Variants in SH3RF2 observed in about 807,000 individuals in gnomAD.
SH3RF2 encodes the protein SH3 domain containing ring finger 2.
A neutral mutation model predicts 59.0 loss-of-function variants in SH3RF2; 43 were observed. The ratio of observed to expected loss-of-function variants is 0.73; its 90% CI spans 0.57 to 0.94. SH3RF2 has a LOEUF of 0.94. Ranked by LOEUF, SH3RF2 falls within the 40% of genes least tolerant of loss-of-function variation. The pLI is 0.00. For missense variants in SH3RF2, 930 were observed against 940.1 expected (o/e 0.99, Z 0.14); for synonymous variants, 391 against 391.5 (o/e 1.00, Z 0.01).
intron 2 of SH3RF2, among the ~76,000 whole-genome samples, chr5:145,987,259 T>A (rs185876106): frequency 8.5e-5 from 13 of 152,294 alleles, no homozygotes; most frequent in Non-Finnish European, 1.8e-4. Flanking sequence ...GTAAGTTCTT[T>A]AGGGGTGATT....
intron 2 of SH3RF2, among the ~76,000 whole-genome samples, chr5:145,975,658 A>G (rs1271352377): frequency 6.6e-6 from 1 of 152,208 alleles, no homozygotes; most frequent in East Asian, 1.9e-4. Context: ...GTTCACAGTC[A>G]GCCCTGCTAG....
intron 9 of SH3RF2, among the ~76,000 whole-genome samples, chr5:146,072,850 C>T (rs1763267346): frequency 6.6e-6 from 1 of 152,172 alleles, no homozygotes; most frequent in African/African-American, 2.4e-5. Flanking sequence ...ATGGGCAAGT[C>T]ATTTAACTTT....
At chr5:146,064,838 AAG>A (rs1561773868), downstream of SH3RF2, among the ~76,000 whole-genome samples, 4 of 14,982 alleles carry the variant, frequency 2.7e-4, no homozygotes, top group Non-Finnish European at 8.4e-3. Flanking sequence ...GAAAGAAAGA[AAG>A]AAAGAAAGAA....
chr5:145,973,227 G>T (rs1759155307), intron 2 of SH3RF2, among the ~76,000 whole-genome samples: 1 of 152,170 alleles, frequency 6.6e-6, no homozygotes, highest in Non-Finnish European at 1.5e-5. Flanking sequence ...ATCAGAGGCA[G>T]AAAGGGAAAC....
At chr5:145,958,550 C>G (rs773419170) in intron 2 of SH3RF2, among the ~76,000 whole-genome samples, 1 of 152,072 alleles carries the variant, frequency 6.6e-6, no homozygotes, top group African/African-American at 2.4e-5. Context: ...AAAATGCCTC[C>G]GTATAAGGAA....
chr5:146,031,972 A>G (rs558504485), intron 5 of SH3RF2, among the ~76,000 whole-genome samples: 1 of 152,318 alleles, frequency 6.6e-6, no homozygotes, highest in African/African-American at 2.4e-5. Context: ...GACAAGCAGC[A>G]TGTTGGGTTT....
intron 2 of SH3RF2, among the ~76,000 whole-genome samples, chr5:145,965,421 C>G (rs1309349331): frequency 6.6e-6 from 1 of 152,096 alleles, no homozygotes; most frequent in Non-Finnish European, 1.5e-5. Flanking sequence ...TGTTACAAAT[C>G]CTCCTAAATC....
intron 3 of SH3RF2, among the ~76,000 whole-genome samples, chr5:146,002,460 AAAGAAAGAAAAGGAAGGAAGGAAGGAAGG>A (rs1277819203): frequency 1.2e-4 from 17 of 143,228 alleles, no homozygotes; most frequent in African/African-American, 4.0e-4. Flanking sequence ...AAAAATTAAA[AAAGAAAGAAAAGGAAGGAAGGAAGGAAGG>A]AAGGAAGGAA....
exon 10 of SH3RF2, chr5:146,080,846 T>A (rs957265305): frequency 6.6e-6 from 1 of 152,272 alleles, no homozygotes; most frequent in Non-Finnish European, 1.5e-5. Flanking sequence ...TCGCCCAGGC[T>A]GGAGTGCAGT....
chr5:146,050,922 C>T (rs1027550581), intron 7 of SH3RF2, among the ~76,000 whole-genome samples: 1 of 152,188 alleles, frequency 6.6e-6, no homozygotes, highest in Non-Finnish European at 1.5e-5. Context: ...AGACTAAAGA[C>T]ACAGCAAGTA....
At chr5:146,074,895 A>T (rs1763312349) in intron 9 of SH3RF2, among the ~76,000 whole-genome samples, 1 of 152,118 alleles carries the variant, frequency 6.6e-6, no homozygotes, top group Non-Finnish European at 1.5e-5. Context: ...CTAAAGTGTG[A>T]CTTGCTGTGT....
intron 2 of SH3RF2, among the ~76,000 whole-genome samples, chr5:145,977,770 C>G (rs1289200403): frequency 1.3e-5 from 2 of 152,208 alleles, no homozygotes; most frequent in Non-Finnish European, 2.9e-5. Context: ...GAGATAGGCT[C>G]TAATGCTACA....
rs1369027389 is a variant in SH3RF2, at chr5:146,047,661, G to A, written c.1060-111G>A. ...ACGCACAATGGGTGGCACCAGGCATGGCTGTTGGTTTTCAGCTGTGTCAGG... is the reference window on the plus strand; with the variant it reads ...ACGCACAATGGGTGGCACCAGGCATAGCTGTTGGTTTTCAGCTGTGTCAGG... On this transcript the variant is annotated intron_variant, in intron 5 of 9. Transcript: ENST00000359120. 15 of 936,302 alleles carry A rather than the reference G, an allele frequency of 1.6e-5. No individual in the cohort carries two copies. In the Admixed American group the frequency reaches 3.1e-4, roughly 19 times the overall value. 58.0% of individuals were successfully genotyped at this position (936,302 alleles called of 1,614,324 possible). A position where few individuals can be genotyped will look rare whatever the true frequency, so the allele number is the denominator to read the frequency against.
In SH3RF2 at chr5:146,013,943, C is replaced by G. The variant is rs1253489991; in HGVS notation, c.941C>G (p.Ser314Cys). 1.9e-6 allele frequency: 3 copies of G among 1,614,034 alleles called. No homozygotes were observed. The African/African-American group carries it at 4.0e-5, about 22-fold the overall frequency. Residue 314 changes from serine to cysteine, a missense_variant, in exon 5 of 10, where the codon TCT (serine) becomes TGT (cysteine). Transcript: ENST00000359120. ...ALNTLNRMVH[S>C]PSGRHMVEIS... ...AACACTCTCAACCGGATGGTCCATT[C>G]TCCTTCAGGGCGCCATATGGTAGAG...
intron 9 of SH3RF2, among the ~76,000 whole-genome samples, chr5:146,074,107 T>C (rs1763294088): frequency 6.8e-6 from 1 of 147,390 alleles, no homozygotes; most frequent in South Asian, 2.1e-4. Flanking sequence ...AGGCGCGATC[T>C]TGGCTCACTG....
At chr5:146,034,520 A>G (rs1318398449) in intron 5 of SH3RF2, among the ~76,000 whole-genome samples, 5 of 152,186 alleles carry the variant, frequency 3.3e-5, no homozygotes, top group African/African-American at 1.2e-4. Flanking sequence ...TTGGAAACAC[A>G]TGCCCTTTTC....
At chr5:146,005,577 G>A (rs1031668946) in intron 4 of SH3RF2, among the ~76,000 whole-genome samples, 10 of 152,294 alleles carry the variant, frequency 6.6e-5, no homozygotes, top group Non-Finnish European at 1.5e-4. Flanking sequence ...TGGAGGAAGG[G>A]TCCAGAGAGG....
chr5:145,940,690 G>A (rs141343149), intron 2 of SH3RF2, among the ~76,000 whole-genome samples: 1 of 152,218 alleles, frequency 6.6e-6, no homozygotes, highest in South Asian at 2.1e-4. Flanking sequence ...TAAATGCAAA[G>A]CATCATCATT....
chr5:145,970,536 G>A (rs763591715), intron 2 of SH3RF2, among the ~76,000 whole-genome samples: 2 of 152,040 alleles, frequency 1.3e-5, no homozygotes, highest in African/African-American at 2.4e-5. Context: ...GGGCATTTAG[G>A]CTGGTTCTAT....
Sources: allele counts gnomAD v4.1 joint callset (sites outside exome capture counted in the v4.1 genomes callset), GRCh38; gene constraint gnomAD v4.1.1; transcripts MANE v1.5; gene names NCBI Gene and HGNC (gene_info 2026-07-23, HGNC 2026-07-21).